Variants in FAM163A observed in about 807,000 individuals in gnomAD.
FAM163A encodes family with sequence similarity 163 member A.
FAM163A carries 7 observed loss-of-function variants against 12.0 expected under a neutral mutation model. The ratio of observed to expected loss-of-function variants is 0.58; its 90% CI spans 0.33 to 1.10. The LOEUF (loss-of-function observed/expected upper bound fraction) is 1.10, where lower values mean the gene tolerates loss of function less well. FAM163A is among the 50% of genes least tolerant of loss of function. FAM163A has a pLI of 0.03. For missense variants in FAM163A, 202 were observed against 218.6 expected, an observed-to-expected ratio of 0.92 and a Z score of 0.48; for synonymous variants, 101 against 91.0, an observed-to-expected ratio of 1.11 and a Z score of -0.62.
At chr1:179,758,154 G>A (rs1176899229) in intron 1 of FAM163A, among the ~76,000 whole-genome samples, 1 of 151,716 alleles carries the variant, frequency 6.6e-6, no homozygotes, top group African/African-American at 2.4e-5. Flanking sequence ...GTAGCTGGCT[G>A]CTAGGCAGAA....
intron 1 of FAM163A, among the ~76,000 whole-genome samples, chr1:179,779,120 G>A (rs1292871468): frequency 2.0e-5 from 3 of 152,102 alleles, no homozygotes; most frequent in Non-Finnish European, 2.9e-5. Flanking sequence ...AAATATTAAC[G>A]GTGATTAATT....
intron 1 of FAM163A, among the ~76,000 whole-genome samples, chr1:179,768,708 T>C (rs1305016586): frequency 1.3e-5 from 2 of 151,958 alleles, no homozygotes; most frequent in Admixed American, 6.6e-5. Flanking sequence ...TGGGTTCAAG[T>C]GATTCTCCTG....
At chr1:179,757,154 G>T (rs957756189) in intron 1 of FAM163A, among the ~76,000 whole-genome samples, 5 of 151,612 alleles carry the variant, frequency 3.3e-5, no homozygotes, top group Non-Finnish European at 7.4e-5. Flanking sequence ...AGAGATAGTT[G>T]GGATAGTAGC....
At chr1:179,810,348 A>G (rs1019181642) in intron 2 of FAM163A, among the ~76,000 whole-genome samples, 33 of 152,098 alleles carry the variant, frequency 2.2e-4, no homozygotes, top group African/African-American at 7.5e-4. Flanking sequence ...ACAGATGGAA[A>G]AAGAAAGGCC....
intron 1 of FAM163A, among the ~76,000 whole-genome samples, chr1:179,785,174 C>A (rs995494133): frequency 2.0e-5 from 3 of 152,206 alleles, no homozygotes; most frequent in Admixed American, 6.5e-5. Flanking sequence ...TCCCACCCCC[C>A]ATTCCTCACC....
chr1:179,815,797 G>T lies in FAM163A; in HGVS notation c.*1608G>T, dbSNP rs1015607067. 2 of 152,314 alleles carry T rather than the reference G, an allele frequency of 1.3e-5. No individual in the cohort carries two copies. The highest frequency in any genetic ancestry group is 6.5e-5 in the Admixed American group (1 of 15,274). The allele number at this position is 152,314 out of a possible 1,614,324, so 9.4% of individuals were successfully genotyped here. On this transcript the variant is annotated 3_prime_UTR_variant, in exon 5 of 5. Coordinates refer to ENST00000341785, the MANE Select transcript of FAM163A (RefSeq NM_173509.3). ...ATTTGAGGAAGGTCAGGGTGCCGCT[G>T]GGGGAGCAGGGAGCGGGGAGGGAGG...
At chr1:179,729,959 T>C in the FAM163A span, among the ~76,000 whole-genome samples, 1 of 152,240 alleles carries the variant, frequency 6.6e-6, no homozygotes, top group African/African-American at 2.4e-5. Flanking sequence ...GTGCTTTTAA[T>C]CCTGCTGCTG....
chr1:179,747,758 G>C (rs1250787668), intron 1 of FAM163A, among the ~76,000 whole-genome samples: 1 of 152,208 alleles, frequency 6.6e-6, no homozygotes, highest in Non-Finnish European at 1.5e-5. Context: ...GTATGTGGCT[G>C]AGCATTGCAT....
chr1:179,764,041 AT>A (rs1256976875), intron 1 of FAM163A, among the ~76,000 whole-genome samples: 1 of 152,158 alleles, frequency 6.6e-6, no homozygotes, highest in Non-Finnish European at 1.5e-5. Flanking sequence ...TTTGTATTTT[AT>A]TTGGGGAATC....
upstream of FAM163A, among the ~76,000 whole-genome samples, chr1:179,739,807 C>T (rs1438967393): frequency 1.3e-5 from 2 of 152,166 alleles, no homozygotes; most frequent in South Asian, 2.1e-4. Context: ...CCCCTGAAGA[C>T]GTCTGACATC....
chr1:179,728,983 CTGGT>C, the FAM163A span, among the ~76,000 whole-genome samples: 1 of 152,116 alleles, frequency 6.6e-6, no homozygotes, highest in African/African-American at 2.4e-5. Flanking sequence ...CTGTTTGTAG[CTGGT>C]TGATTAGCTA....
intron 1 of FAM163A, among the ~76,000 whole-genome samples, chr1:179,806,129 T>C (rs1571576800): frequency 1.3e-5 from 2 of 152,316 alleles, no homozygotes; most frequent in East Asian, 3.9e-4. Context: ...ATATGTATTT[T>C]ATAAAGTGGG....
At chr1:179,808,388 T>A (rs1331486864) in intron 2 of FAM163A, among the ~76,000 whole-genome samples, 1 of 152,352 alleles carries the variant, frequency 6.6e-6, no homozygotes, top group East Asian at 1.9e-4. Context: ...ACATGGCTGG[T>A]TGACCCGCTG....
upstream of FAM163A, among the ~76,000 whole-genome samples, chr1:179,738,589 T>A (rs1357866955): frequency 6.6e-6 from 1 of 152,166 alleles, no homozygotes; most frequent in Admixed American, 6.5e-5. Context: ...ATCCACCATA[T>A]TAAAAGGCTA....
In FAM163A at chr1:179,815,672, C is replaced by T. The variant is rs944008079; in HGVS notation, c.*1483C>T. ...GGCCTCTGCAGAAGCTGGCCCCCTT[C>T]TAAGGGCATAGCTAACCCCCTTCCC... On this transcript the variant is annotated 3_prime_UTR_variant, in exon 5 of 5. Coordinates refer to ENST00000341785, the MANE Select transcript of FAM163A (RefSeq NM_173509.3). 5.9e-5 allele frequency: 9 copies of T among 152,276 alleles called. No individual in the cohort carries two copies. Among genetic ancestry groups the T allele is most frequent in the African/African-American group, 2.2e-4 (9 of 41,450 alleles). 9.4% of individuals were successfully genotyped at this position (152,276 alleles called of 1,614,324 possible).
rs1273970601 is a variant in FAM163A, at chr1:179,815,109, G to GCGCGCA, written c.*921_*922insGCGCAC. 1.2e-3 allele frequency: 84 copies of GCGCGCA among 67,308 alleles called. No individual in the cohort carries two copies. Among genetic ancestry groups the GCGCGCA allele is most frequent in the African/African-American group, 5.2e-3 (83 of 15,854 alleles). The allele number at this position is 67,308 out of a possible 1,614,324, so 4.2% of individuals were successfully genotyped here. On this transcript the variant is annotated 3_prime_UTR_variant, in exon 5 of 5. Coordinates refer to ENST00000341785, the MANE Select transcript of FAM163A (RefSeq NM_173509.3). ...CAGGTGTACGCACGCGCGCGCGCGCGCACAGACACACACACACACACACAC... is the reference window on the plus strand; with the variant it reads ...CAGGTGTACGCACGCGCGCGCGCGCGCGCGCACACAGACACACACACACACACACAC...
At chr1:179,742,231 T>G (rs1384387682), upstream of FAM163A, 1 of 152,216 alleles carries the variant, frequency 6.6e-6, no homozygotes, top group Non-Finnish European at 1.5e-5. Context: ...AGGTGCTAAA[T>G]TTCTTACTCC....
chr1:179,738,022 G>T, the FAM163A span, among the ~76,000 whole-genome samples: 1 of 152,084 alleles, frequency 6.6e-6, no homozygotes. Flanking sequence ...AAATAAGCCA[G>T]GCACAGAGTG....
intron 1 of FAM163A, among the ~76,000 whole-genome samples, chr1:179,749,220 G>A (rs936386191): frequency 2.6e-5 from 4 of 152,182 alleles, no homozygotes; most frequent in African/African-American, 9.7e-5. Context: ...CAAGTGGAGG[G>A]CTGATGATGG....
Sources: gnomAD v4.1 joint callset for allele counts (sites outside exome capture counted in the v4.1 genomes callset) on GRCh38, gnomAD v4.1.1 for gene constraint, MANE v1.5 for transcripts, NCBI Gene and HGNC (gene_info 2026-07-23, HGNC 2026-07-21) for gene names.